MYRF: variants seen among roughly 807,000 people sequenced by gnomAD.
MYRF encodes the protein myelin gene regulatory factor.
In MYRF, 16 loss-of-function variants were observed where a neutral mutation model predicts 126.3. The observed-to-expected ratio is 0.13, with a 90% confidence interval of 0.09 to 0.19. The LOEUF (loss-of-function observed/expected upper bound fraction) is 0.19, where lower values mean the gene tolerates loss of function less well. Among genes scored for constraint, MYRF ranks in the 10% least tolerant of loss-of-function variants. The pLI is 1.00. For synonymous variants in MYRF, 608 were observed against 635.3 expected (o/e 0.96, Z 0.65); for missense variants, 1,104 against 1,547.0 (o/e 0.71, Z 4.80).
intron 1 of MYRF, chr11:61,755,829 A>G (rs182798668): frequency 4.9e-5 from 7 of 143,190 alleles, no homozygotes; most frequent in African/African-American, 4.1e-4. Context: ...GTGTGCAGGG[A>G]GCCTTGGAGG....
chr11:61,761,967 T>G (rs2065913947), intron 1 of MYRF, among the ~76,000 whole-genome samples: 1 of 152,078 alleles, frequency 6.6e-6, no homozygotes. Flanking sequence ...GCGGGGTGTG[T>G]GTAGGCGGGA....
intron 1 of MYRF, among the ~76,000 whole-genome samples, chr11:61,765,166 G>C (rs1404579130): frequency 6.6e-6 from 1 of 152,204 alleles, no homozygotes; most frequent in Non-Finnish European, 1.5e-5. Flanking sequence ...CGGCAGGACA[G>C]TGCCTGTTGG....
intron 19 of MYRF, 79 bp downstream of exon 19, chr11:61,780,871 TC>T: frequency 6.3e-7 from 1 of 1,581,090 alleles, no homozygotes; most frequent in East Asian, 2.3e-5. Context: ...CTCTGCCTCT[TC>T]CTGCCCTCCT....
chr11:61,777,720 C>T lies in MYRF; in HGVS notation c.1792-14C>T, dbSNP rs1591119740. The T allele has an allele frequency of 1.9e-6, 3 of 1,548,766 alleles. No homozygotes were observed. The highest frequency in any genetic ancestry group is 2.6e-6 in the Non-Finnish European group (3 of 1,144,906). On this transcript the variant is annotated splice_polypyrimidine_tract_variant and intron_variant, in intron 12 of 26. Transcript: ENST00000278836. This position sits in a 1 kb window ranked among gnomAD's most constrained non-coding sequence, Gnocchi z 8.8. The stretch of plus-strand genomic sequence containing the variant: ...CCGCAGGAGGGGTTCATTCCCGGGC[C>T]TGGCTCCCCGCAGGTGGACACCACC...
chr11:61,772,089 C>T (rs1018224256), intron 7 of MYRF, 137 bp downstream of exon 7: 49 of 1,294,480 alleles, frequency 3.8e-5, no homozygotes, highest in Non-Finnish European at 4.9e-5. Flanking sequence ...CAGGGAAGAG[C>T]CAGGACTGGC....
In MYRF at chr11:61,786,571, C is replaced by T. The variant is rs984404003; in HGVS notation, c.*428C>T. On this transcript the variant is annotated 3_prime_UTR_variant, in exon 27 of 27. Transcript: ENST00000278836. This position sits in a 1 kb window ranked among gnomAD's most constrained non-coding sequence, Gnocchi z 4.5. ...AGGACCTGCCCACCTTTGAGATCAG[C>T]AGGGGGCTCGGATCCAGCCCTAAGA... 5.1e-6 allele frequency: 1 copy of T among 197,336 alleles called. No individual in the cohort carries two copies. Among genetic ancestry groups the T allele is most frequent in the African/African-American group, 2.3e-5 (1 of 43,106 alleles). The allele number at this position is 197,336 out of a possible 1,614,324, so 12.2% of individuals were successfully genotyped here.
rs1307260880 is a variant in MYRF, at chr11:61,787,316, T to A, written c.*1173T>A. Reference sequence around the variant, plus strand: ...CCAAGACCCTGGGTTAGGGAAGAAGTTGTATCTTAAGTGCCACCTTCAAGT... The same window carrying A: ...CCAAGACCCTGGGTTAGGGAAGAAGATGTATCTTAAGTGCCACCTTCAAGT... On this transcript the variant is annotated 3_prime_UTR_variant, in exon 27 of 27. Transcript: ENST00000278836. The A allele has an allele frequency of 6.6e-6, 1 of 151,848 alleles. No individual in the cohort carries two copies. Among genetic ancestry groups the A allele is most frequent in the Admixed American group, 6.6e-5 (1 of 15,254 alleles). 9.4% of individuals were successfully genotyped at this position (151,848 alleles called of 1,614,324 possible).
rs2065786795 is a variant in MYRF at position 61,757,356 on chromosome 11, T to C, written c.46+4566T>C. 2.2e-6 allele frequency: 1 copy of C among 454,806 alleles called. No homozygotes were observed. 28.2% of individuals were successfully genotyped at this position (454,806 alleles called of 1,614,324 possible). On this transcript the variant is annotated intron_variant, in intron 1 of 26. Coordinates refer to ENST00000278836, the MANE Select transcript of MYRF (RefSeq NM_001127392.3). The surrounding 1 kb of genome is among the most constrained non-coding windows in gnomAD (Gnocchi z 4.7). ...TATCAGGGCACCGCTGTGCCTCCGCTTTCTCATCTGTAAAACGGGAGTGCA... is the reference window on the plus strand; with the variant it reads ...TATCAGGGCACCGCTGTGCCTCCGCCTTCTCATCTGTAAAACGGGAGTGCA...
chr11:61,775,833 T>G (rs1591115376), intron 8 of MYRF, among the ~76,000 whole-genome samples: 1 of 127,588 alleles, frequency 7.8e-6, no homozygotes, highest in African/African-American at 3.0e-5. Flanking sequence ...GTTGGGGGAG[T>G]GGTATGCTGT....
intron 1 of MYRF, among the ~76,000 whole-genome samples, chr11:61,759,379 AGGGTTCT>A (rs2065845188): frequency 6.6e-6 from 1 of 152,148 alleles, no homozygotes; most frequent in Non-Finnish European, 1.5e-5. Flanking sequence ...CCTAGAAGAG[AGGGTTCT>A]CCGGCTGGGC....
At position 61,779,844 on chromosome 11, in the gene MYRF, A is replaced by G; in HGVS notation, c.2250A>G (p.Ser750=). Residue 750 remains serine (S), a splice_region_variant and synonymous_variant, in exon 17 of 27, where the codon TCA becomes TCG. Transcript: ENST00000278836. ...KKRPPKVASK[S]SSVVPDQACI... is the part of the protein sequence containing the mutation. ...GCACTTTTCCTCTTGGTCCTCAGTC[A>G]TCGTCCGTGGTTCCGGACCAGGCCT... 3 of 1,613,736 alleles carry G rather than the reference A, an allele frequency of 1.9e-6. No individual in the cohort carries two copies. Among genetic ancestry groups the G allele is most frequent in the Non-Finnish European group, 2.5e-6 (3 of 1,179,714 alleles).
chr11:61,770,352 G>A lies in MYRF; in HGVS notation c.567G>A (p.Pro189=), dbSNP rs758959850. 5.1e-5 allele frequency: 12 copies of A among 237,442 alleles called. No homozygotes were observed. Among genetic ancestry groups the A allele is most frequent in the Non-Finnish European group, 7.3e-5 (12 of 163,964 alleles). The allele number at this position is 237,442 out of a possible 1,614,324, so 14.7% of individuals were successfully genotyped here. A position where few individuals can be genotyped will look rare whatever the true frequency, so the allele number is the denominator to read the frequency against. ...PPPPAHLPGP[P]PPPPPPPHYP... Reference sequence around the variant, plus strand: ...CTCCAGCCCACTTGCCAGGCCCCCCGCCACCCCCACCACCCCCACCTCACT... The same window carrying A: ...CTCCAGCCCACTTGCCAGGCCCCCCACCACCCCCACCACCCCCACCTCACT... Residue 189 remains proline, a synonymous_variant, in exon 5 of 27, where the codon CCG becomes CCA. Transcript: ENST00000278836.
intron 1 of MYRF, among the ~76,000 whole-genome samples, chr11:61,761,260 G>GGC (rs376262285): frequency 0.21 from 14,622 of 69,414 alleles, 1,161 homozygotes; most frequent in Admixed American, 0.29. Flanking sequence ...CACAGCTGGT[G>GGC]GGGGGGGGGG....
chr11:61,761,151 G>A (rs569384435), intron 1 of MYRF, among the ~76,000 whole-genome samples: 1 of 152,164 alleles, frequency 6.6e-6, no homozygotes, highest in Admixed American at 6.5e-5. Flanking sequence ...CCTCATTGAC[G>A]GGGCAGGGGA....
Position 61,783,889 on chromosome 11 carries a change from G to A in MYRF, c.3158G>A (p.Gly1053Asp). ...ACCTACCACATCCCTGTCAGTAGTGGCACCCCACTGCACCTCAGCCTGACT... is the reference window on the plus strand; with the variant it reads ...ACCTACCACATCCCTGTCAGTAGTGACACCCCACTGCACCTCAGCCTGACT... The part of the protein sequence containing the change: ...NFTYHIPVSS[G>D]TPLHLSLTLQ... Residue 1053 changes from glycine to aspartate, a missense_variant, in exon 24 of 27, where the codon GGC becomes GAC. Physicochemically the swap from Gly to Asp is moderately conservative, Grantham distance 94. This residue lies in a region of MYRF where 94 missense variants were observed against 164.6 expected (regional missense o/e 0.57). Coordinates refer to ENST00000278836, the MANE Select transcript of MYRF (RefSeq NM_001127392.3). This position sits in a 1 kb window ranked among gnomAD's most constrained non-coding sequence, Gnocchi z 4.6. 1.2e-6 allele frequency: 2 copies of A among 1,609,040 alleles called. No individual in the cohort carries two copies. The highest frequency in any genetic ancestry group is 1.7e-6 in the Non-Finnish European group (2 of 1,177,510).
intron 1 of MYRF, chr11:61,755,495 CG>C: frequency 6.3e-7 from 1 of 1,590,378 alleles, no homozygotes; most frequent in South Asian, 1.1e-5. Context: ...AGGGCAGGCA[CG>C]GGACAGGGCA....
Position 61,783,683 on chromosome 11 carries a change from T to G in MYRF, c.3119+83T>G, listed in dbSNP as rs2066613675. The G allele has an allele frequency of 7.0e-7, 1 of 1,435,674 alleles. No individual in the cohort carries two copies. The highest frequency in any genetic ancestry group is 1.4e-5 in the African/African-American group (1 of 71,228). 88.9% of individuals were successfully genotyped at this position (1,435,674 alleles called of 1,614,324 possible). On this transcript the variant is annotated intron_variant, in intron 23 of 26. Transcript: ENST00000278836. The surrounding 1 kb of genome is among the most constrained non-coding windows in gnomAD (Gnocchi z 4.6). ...GGTACAGATCACCCGGAACTTGCCCTTTCAGGGAGGAGCCTCCCCCATAAG... is the reference window on the plus strand; with the variant it reads ...GGTACAGATCACCCGGAACTTGCCCGTTCAGGGAGGAGCCTCCCCCATAAG...
intron 1 of MYRF, among the ~76,000 whole-genome samples, chr11:61,759,192 T>C (rs2065840626): frequency 1.3e-5 from 2 of 152,224 alleles, no homozygotes; most frequent in Admixed American, 1.3e-4. Flanking sequence ...CCCTGGTCCC[T>C]GTGGGAGAGA....
intron 22 of MYRF, chr11:61,782,200 T>G: frequency 4.9e-6 from 1 of 202,964 alleles, no homozygotes; most frequent in Non-Finnish European, 9.8e-6. Flanking sequence ...CCCCTACTAT[T>G]TCCCAAACCT....
Sources: allele counts gnomAD v4.1 joint callset (sites outside exome capture counted in the v4.1 genomes callset), GRCh38; gene constraint gnomAD v4.1.1; regional missense constraint gnomAD v4.1.1; non-coding constraint Gnocchi (gnomAD v3.1); transcripts MANE v1.5; gene names NCBI Gene and HGNC (gene_info 2026-07-23, HGNC 2026-07-21).